Variants in ACVR2B observed in about 807,000 individuals in gnomAD.
ACVR2B encodes activin A receptor type 2B, also known as activin receptor type-2B.
Under a neutral mutation model 65.1 loss-of-function variants are expected in ACVR2B, and 18 were observed. The observed-to-expected ratio is 0.28, with a 90% CI of 0.19 to 0.41. The LOEUF (loss-of-function observed/expected upper bound fraction) is 0.41. ACVR2B is among the 10% of genes least tolerant of loss of function. ACVR2B has a pLI of 1.00. For missense variants in ACVR2B, 482 were observed against 682.7 expected, an observed-to-expected ratio of 0.71 and a Z score of 3.28; for synonymous variants, 298 against 277.7, an observed-to-expected ratio of 1.07 and a Z score of -0.73.
At chr3:38,470,410 T>C (rs1057320172) in intron 1 of ACVR2B, among the ~76,000 whole-genome samples, 2 of 152,210 alleles carry the variant, frequency 1.3e-5, no homozygotes, top group African/African-American at 4.8e-5. Flanking sequence ...TGGAATAATA[T>C]TTTCAGAGAG....
rs1440549291 is a variant in ACVR2B, at chr3:38,487,843, T to G, written c.*4511T>G. Reference sequence around the variant, plus strand: ...CGAGAACTTTATTTCACTAGAAAAATATACTAATTGGAAAGCAGTTTCCAG... The same window carrying G: ...CGAGAACTTTATTTCACTAGAAAAAGATACTAATTGGAAAGCAGTTTCCAG... On this transcript the variant is annotated 3_prime_UTR_variant, in exon 11 of 11. Transcript: ENST00000352511. The G allele has an allele frequency of 4.6e-5, 7 of 152,188 alleles. No individual in the cohort carries two copies. Among genetic ancestry groups the G allele is most frequent in the Non-Finnish European group, 1.5e-5 (1 of 68,034 alleles). The allele number at this position is 152,188 out of a possible 1,614,324, so 9.4% of individuals were successfully genotyped here.
At chr3:38,457,163 C>T (rs773779519) in intron 1 of ACVR2B, among the ~76,000 whole-genome samples, 42 of 152,148 alleles carry the variant, frequency 2.8e-4, no homozygotes, top group Admixed American at 5.2e-4. Flanking sequence ...GAGATCATGT[C>T]ACTGCACTGC....
rs1007995368 is a variant in ACVR2B, at chr3:38,491,305, C to T, written c.*7973C>T. 4 of 152,656 alleles carry T rather than the reference C, an allele frequency of 2.6e-5. No individual in the cohort carries two copies. The highest frequency in any genetic ancestry group is 4.4e-5 in the Non-Finnish European group (3 of 68,054). The allele number at this position is 152,656 out of a possible 1,614,324, so 9.5% of individuals were successfully genotyped here. Reference sequence around the variant, plus strand: ...GATTAAAAGTGGTAACTCAGCTATACGAGCATGGGCTACCTTCCTGGGCTC... The same window carrying T: ...GATTAAAAGTGGTAACTCAGCTATATGAGCATGGGCTACCTTCCTGGGCTC... On this transcript the variant is annotated 3_prime_UTR_variant, in exon 11 of 11. Transcript: ENST00000352511.
intron 7 of ACVR2B, among the ~76,000 whole-genome samples, chr3:38,480,412 G>A (rs771470153): frequency 2.0e-5 from 3 of 152,338 alleles, no homozygotes; most frequent in African/African-American, 7.2e-5. Flanking sequence ...GGCAGGCAGT[G>A]CTCTAAACAC....
chr3:38,459,922 C>T (rs573951809), intron 1 of ACVR2B, among the ~76,000 whole-genome samples: 1 of 152,272 alleles, frequency 6.6e-6, no homozygotes, highest in East Asian at 1.9e-4. Context: ...CCTCCCCTGG[C>T]CTGCTTCAAG....
chr3:38,466,688 A>G (rs912619356), intron 1 of ACVR2B, among the ~76,000 whole-genome samples: 1 of 152,044 alleles, frequency 6.6e-6, no homozygotes, highest in Non-Finnish European at 1.5e-5. Context: ...ATTTTTTAGT[A>G]GAGACAGAGT....
At position 38,491,973 on chromosome 3, in the gene ACVR2B, C is replaced by T. The variant is rs1339678054; in HGVS notation, c.*8641C>T. The T allele has an allele frequency of 3.3e-5, 5 of 152,190 alleles. No individual in the cohort carries two copies. The highest frequency in any genetic ancestry group is 7.3e-5 in the Non-Finnish European group (5 of 68,034). The allele number at this position is 152,190 out of a possible 1,614,324, so 9.4% of individuals were successfully genotyped here. On this transcript the variant is annotated 3_prime_UTR_variant, in exon 11 of 11. Transcript: ENST00000352511. ...GTAGTGTCAAAGGCCAAGTTTTTCACCTGTTAATATTTTTCCACATTTGTC... is the reference window on the plus strand; with the variant it reads ...GTAGTGTCAAAGGCCAAGTTTTTCATCTGTTAATATTTTTCCACATTTGTC...
chr3:38,461,478 C>G (rs1341337289), intron 1 of ACVR2B, among the ~76,000 whole-genome samples: 2 of 152,086 alleles, frequency 1.3e-5, no homozygotes, highest in Non-Finnish European at 2.9e-5. Flanking sequence ...GAGATGAATT[C>G]TGGTTTCTTT....
chr3:38,461,393 C>G (rs984509810), intron 1 of ACVR2B, among the ~76,000 whole-genome samples: 2 of 152,192 alleles, frequency 1.3e-5, no homozygotes, highest in African/African-American at 2.4e-5. Flanking sequence ...TCCCGCTTCT[C>G]TGTGTAGTGA....
At chr3:38,465,423 A>T (rs893396545) in intron 1 of ACVR2B, among the ~76,000 whole-genome samples, 1 of 149,412 alleles carries the variant, frequency 6.7e-6, no homozygotes, top group African/African-American at 2.5e-5. Context: ...AAAAAATAGC[A>T]GTGTTCACTG....
chr3:38,479,923 A>T (rs1276125692), intron 7 of ACVR2B, 97 bp downstream of exon 7: 3 of 1,470,450 alleles, frequency 2.0e-6, no homozygotes, highest in Non-Finnish European at 9.2e-7. Context: ...CAACTTCCTA[A>T]ACATACTTAC....
chr3:38,454,081 C>A lies in ACVR2B; in HGVS notation c.-242C>A, dbSNP rs1344464057. The A allele has an allele frequency of 8.6e-4, 129 of 149,434 alleles. 3 individuals are homozygous for A. Among genetic ancestry groups the A allele is most frequent in the Non-Finnish European group, 9.3e-4 (63 of 68,070 alleles). The allele number at this position is 149,434 out of a possible 1,614,324, so 9.3% of individuals were successfully genotyped here. ...CCCCGCCGCCGCCCCCCGGCCCCCG[C>A]GTCGCCCCGGAGCCCGGGCCGCAGC... On this transcript the variant is annotated 5_prime_UTR_variant, in exon 1 of 11. Transcript: ENST00000352511.
Position 38,477,576 on chromosome 3 carries a change from C to A in ACVR2B, c.260+82C>A. On this transcript the variant is annotated intron_variant, in intron 2 of 10. Transcript: ENST00000352511. The surrounding 1 kb of genome is among the most constrained non-coding windows in gnomAD (Gnocchi z 6.7). ...CTGGGCCATTTGGGTCTCAGGATGT[C>A]TGAGTGGGAGATAAAGGACCAAGAA... 6.7e-7 allele frequency: 1 copy of A among 1,486,568 alleles called. No individual in the cohort carries two copies. Among genetic ancestry groups the A allele is most frequent in the Non-Finnish European group, 9.2e-7 (1 of 1,083,390 alleles). 92.1% of individuals were successfully genotyped at this position (1,486,568 alleles called of 1,614,324 possible).
At chr3:38,469,407 A>G (rs997765865) in intron 1 of ACVR2B, among the ~76,000 whole-genome samples, 1 of 152,282 alleles carries the variant, frequency 6.6e-6, no homozygotes, top group East Asian at 1.9e-4. Context: ...AGGCCTTTGC[A>G]TGGCTTCAGA....
In ACVR2B at chr3:38,481,658, T is replaced by A. The variant is rs148738154; in HGVS notation, c.1074+193T>A. Among the ~76,000 whole-genome samples, 1 of 152,360 alleles carries A rather than the reference T, an allele frequency of 6.6e-6. No individual in the cohort carries two copies. Among genetic ancestry groups the A allele is most frequent in the Non-Finnish European group, 1.5e-5 (1 of 68,038 alleles). ...GGAAGGCAGTGTAGTTTAGCTTCCG[T>A]AGGACAGTCAGCTGGGAAATGTAGA... On this transcript the variant is annotated intron_variant, in intron 8 of 10. Coordinates refer to ENST00000352511, the MANE Select transcript of ACVR2B (RefSeq NM_001106.4). This position sits in a 1 kb window ranked among gnomAD's most constrained non-coding sequence, Gnocchi z 4.7.
chr3:38,465,313 G>C (rs1387736028), intron 1 of ACVR2B, among the ~76,000 whole-genome samples: 5 of 149,406 alleles, frequency 3.3e-5, no homozygotes, highest in Non-Finnish European at 7.4e-5. Flanking sequence ...GCAGGGAATT[G>C]CTTGAATCTG....
chr3:38,461,307 T>C (rs1453133803), intron 1 of ACVR2B, among the ~76,000 whole-genome samples: 2 of 152,102 alleles, frequency 1.3e-5, no homozygotes, highest in Non-Finnish European at 2.9e-5. Flanking sequence ...TTATGCACTT[T>C]TTGGGAATTT....
intron 1 of ACVR2B, chr3:38,475,470 A>G (rs1709891417): frequency 6.6e-6 from 1 of 152,062 alleles, no homozygotes; most frequent in South Asian, 2.1e-4. Flanking sequence ...ATTGGGTGAC[A>G]TTTCGGACCC....
Position 38,483,025 on chromosome 3 carries a change from G to A in ACVR2B, c.1345-113G>A, listed in dbSNP as rs1710045373. ...TGGTGGACCTGCTGCTGTGGTTGGGGCTGGTGGGCTCTGCCTGATCCTTGG... is the reference window on the plus strand; with the variant it reads ...TGGTGGACCTGCTGCTGTGGTTGGGACTGGTGGGCTCTGCCTGATCCTTGG... On this transcript the variant is annotated intron_variant, in intron 10 of 10. Transcript: ENST00000352511. The surrounding 1 kb of genome is among the most constrained non-coding windows in gnomAD (Gnocchi z 4.8). The A allele has an allele frequency of 3.3e-6, 4 of 1,227,054 alleles. No individual in the cohort carries two copies. Among genetic ancestry groups the A allele is most frequent in the Non-Finnish European group, 3.6e-6 (3 of 833,248 alleles). 76.0% of individuals were successfully genotyped at this position (1,227,054 alleles called of 1,614,324 possible).
Sources: gnomAD v4.1 joint callset for allele counts (sites outside exome capture counted in the v4.1 genomes callset) on GRCh38, gnomAD v4.1.1 for gene constraint, Gnocchi (gnomAD v3.1) non-coding constraint, MANE v1.5 for transcripts, NCBI Gene and HGNC (gene_info 2026-07-23, HGNC 2026-07-21) for gene names.